Variants in GLRA2 observed in about 807,000 individuals in gnomAD.
GLRA2 encodes glycine receptor alpha 2, also known as glycine receptor subunit alpha-2.
A neutral mutation model predicts 31.6 loss-of-function variants in GLRA2; 11 were observed. That is an observed-to-expected ratio of 0.35 (90% CI 0.22 to 0.58). GLRA2 has a LOEUF of 0.58. Among genes scored for constraint, GLRA2 ranks in the 20% least tolerant of loss-of-function variants. The probability of loss-of-function intolerance (pLI) is 0.84; values close to 1 mark genes in which losing one functional copy is unlikely to be tolerated. For missense variants in GLRA2, 212 were observed against 351.8 expected, an observed-to-expected ratio of 0.60 and a Z score of 3.18; for synonymous variants, 132 against 134.0, an observed-to-expected ratio of 0.99 and a Z score of 0.10.
At position 14,587,407 on chromosome X, in the gene GLRA2, C is replaced by A. The variant is rs1025149358; in HGVS notation, c.494+6001C>A. 6.2e-5 allele frequency among the ~76,000 whole-genome samples: 7 copies of A among 112,348 alleles called. No homozygotes were observed. The East Asian group carries it at 1.7e-3, about 27-fold the overall frequency. ...GTGCCTGAACTGATTTACATTCCCACCAACAGTTTGTGTTTGCTTTTCTCT... is the reference window on the plus strand; with the variant it reads ...GTGCCTGAACTGATTTACATTCCCAACAACAGTTTGTGTTTGCTTTTCTCT... On this transcript the variant is annotated intron_variant, in intron 4 of 8. Transcript: ENST00000218075.
chrX:14,574,206 A>C, intron 2 of GLRA2, 127 bp from the exon 3 acceptor site: 1 of 498,054 alleles, frequency 2.0e-6, no homozygotes, highest in East Asian at 3.6e-5. Flanking sequence ...CCTCAGGGTA[A>C]AACTTTTTTT....
At chrX:14,727,845 C>T (rs1318179596) in intron 8 of GLRA2, among the ~76,000 whole-genome samples, 2 of 111,796 alleles carry the variant, frequency 1.8e-5, no homozygotes, top group East Asian at 5.6e-4. Flanking sequence ...AGTTTGGCCC[C>T]TTCCACCAGA....
intron 2 of GLRA2, among the ~76,000 whole-genome samples, chrX:14,567,175 G>C (rs1207422347): frequency 9.0e-6 from 1 of 111,364 alleles, no homozygotes; most frequent in African/African-American, 3.3e-5. Flanking sequence ...ACACCCTTAT[G>C]AAGATGTATT....
At chrX:14,470,091 C>T in the GLRA2 span, among the ~76,000 whole-genome samples, 613 of 111,555 alleles carry the variant, frequency 5.5e-3, 2 homozygotes, top group African/African-American at 0.019. Flanking sequence ...TTTTCATTTT[C>T]ATCCTTAAGT....
At chrX:14,488,460 C>T in the GLRA2 span, among the ~76,000 whole-genome samples, 3 of 111,705 alleles carry the variant, frequency 2.7e-5, no homozygotes, top group South Asian at 1.1e-3. Flanking sequence ...GTGTTTCCCT[C>T]ACTTTATGAG....
chrX:14,689,507 C>G (rs1325212852), intron 7 of GLRA2, among the ~76,000 whole-genome samples: 1 of 111,758 alleles, frequency 8.9e-6, no homozygotes, highest in Non-Finnish European at 1.9e-5. Context: ...GAAAGGAAAT[C>G]CATTAGTCAG....
chrX:14,471,668 A>G, the GLRA2 span, among the ~76,000 whole-genome samples: 3 of 112,359 alleles, frequency 2.7e-5, no homozygotes, highest in Admixed American at 2.8e-4. Flanking sequence ...TAGATGGTCC[A>G]ATTTGCACAG....
chrX:14,471,241 G>C, the GLRA2 span, among the ~76,000 whole-genome samples: 2,765 of 111,888 alleles, frequency 0.025, 105 homozygotes, highest in African/African-American at 0.085. Context: ...CAGTAAAGCA[G>C]TTAATTAACA....
chrX:14,503,893 G>A, the GLRA2 span, among the ~76,000 whole-genome samples: 1 of 111,751 alleles, frequency 8.9e-6, no homozygotes, highest in African/African-American at 3.3e-5. Flanking sequence ...AATGTCATGT[G>A]TATCCAGAGT....
chrX:14,618,389 A>G (rs1365260613), intron 7 of GLRA2, among the ~76,000 whole-genome samples: 4 of 111,943 alleles, frequency 3.6e-5, no homozygotes, highest in Non-Finnish European at 7.5e-5. Context: ...GTTTGTATAC[A>G]TGCATGATAA....
At chrX:14,683,268 T>C (rs1169165932) in intron 7 of GLRA2, among the ~76,000 whole-genome samples, 1 of 112,155 alleles carries the variant, frequency 8.9e-6, no homozygotes, top group Non-Finnish European at 1.9e-5. Flanking sequence ...TGGTATCTCA[T>C]TGTGCTTTTG....
At chrX:14,486,964 T>G in the GLRA2 span, among the ~76,000 whole-genome samples, 2 of 109,287 alleles carry the variant, frequency 1.8e-5, no homozygotes, top group Non-Finnish European at 3.8e-5. Context: ...CCTTTGGGGG[T>G]GGGGTGGCAT....
At chrX:14,508,282 A>G in the GLRA2 span, among the ~76,000 whole-genome samples, 2 of 112,687 alleles carry the variant, frequency 1.8e-5, no homozygotes, top group African/African-American at 6.4e-5. Context: ...GATAATTAAA[A>G]GTCAGAGAGG....
intron 7 of GLRA2, among the ~76,000 whole-genome samples, chrX:14,680,219 G>C (rs2091186066): frequency 8.9e-6 from 1 of 111,983 alleles, no homozygotes; most frequent in Non-Finnish European, 1.9e-5. Flanking sequence ...CAGCATGAGT[G>C]GGGTCCCCTG....
intron 7 of GLRA2, among the ~76,000 whole-genome samples, chrX:14,618,022 A>G (rs1206455200): frequency 1.8e-5 from 2 of 112,240 alleles, no homozygotes; most frequent in African/African-American, 3.2e-5. Context: ...TATTAACTTT[A>G]GTGTCCTTGG....
chrX:14,581,345 G>A lies in GLRA2; in HGVS notation c.433G>A (p.Val145Ile), dbSNP rs770999991. The change falls in exon 4 of 9, where the codon GTC (valine) becomes ATC (isoleucine). Residue 145 changes from valine to isoleucine, a missense_variant. Physicochemically the swap from Val to Ile is conservative, Grantham distance 29. This residue lies in a region of GLRA2 where 110 missense variants were observed against 232.6 expected (regional missense o/e 0.47). Transcript: ENST00000218075. ...TGAGAAGGGTGCCAACTTCCACGATGTCACCACTGACAACAAATTGCTACG... is the reference window on the plus strand; with the variant it reads ...TGAGAAGGGTGCCAACTTCCACGATATCACCACTGACAACAAATTGCTACG... ...ANEKGANFHD[V>I]TTDNKLLRIS... is the part of the protein sequence containing the mutation. 5.8e-6 allele frequency: 7 copies of A among 1,205,096 alleles called. No homozygotes were observed. The highest frequency in any genetic ancestry group is 7.9e-6 in the Non-Finnish European group (7 of 890,780).
chrX:14,620,635 A>G (rs1337356163), intron 7 of GLRA2, among the ~76,000 whole-genome samples: 1 of 111,209 alleles, frequency 9.0e-6, no homozygotes, highest in Admixed American at 9.6e-5. Flanking sequence ...ACCATTTTCC[A>G]TCCTTTATCA....
chrX:14,530,924 A>G (rs1392736966), intron 1 of GLRA2: 2 of 858,543 alleles, frequency 2.3e-6, no homozygotes, highest in Non-Finnish European at 1.4e-6. Context: ...AACAAAGTAT[A>G]GGACTCTAAA....
At chrX:14,652,893 C>T (rs949328274) in intron 7 of GLRA2, among the ~76,000 whole-genome samples, 7 of 111,563 alleles carry the variant, frequency 6.3e-5, no homozygotes, top group South Asian at 7.5e-4. Flanking sequence ...TAGTAAGGAA[C>T]GTAAGTAAAA....
Sources: gnomAD v4.1 joint callset for allele counts (sites outside exome capture counted in the v4.1 genomes callset) on GRCh38, gnomAD v4.1.1 for gene constraint, gnomAD v4.1.1 regional missense constraint, MANE v1.5 for transcripts, NCBI Gene and HGNC (gene_info 2026-07-23, HGNC 2026-07-21) for gene names.